MINK1: variants seen among roughly 807,000 people sequenced by gnomAD.
MINK1 encodes the protein misshapen like kinase 1.
A neutral mutation model predicts 178.4 loss-of-function variants in MINK1; 46 were observed. That is an observed-to-expected ratio of 0.26 (90% CI 0.20 to 0.33). MINK1 has a LOEUF of 0.33. MINK1 is among the 10% of genes least tolerant of loss of function. The probability of loss-of-function intolerance (pLI) is 1.00; values close to 1 mark genes in which losing one functional copy is unlikely to be tolerated. For synonymous variants in MINK1, 797 were observed against 709.7 expected (o/e 1.12, Z -1.96); for missense variants, 1,366 against 1,814.9 (o/e 0.75, Z 4.49).
intron 1 of MINK1, among the ~76,000 whole-genome samples, chr17:4,850,527 C>CCT (rs1491516473): frequency 6.6e-6 from 1 of 151,002 alleles, no homozygotes; most frequent in African/African-American, 2.4e-5. Flanking sequence ...TGGCCCCCCC[C>CCT]GCCCTCTACC....
intron 1 of MINK1, among the ~76,000 whole-genome samples, chr17:4,870,360 G>A (rs1360475951): frequency 6.6e-6 from 1 of 151,462 alleles, no homozygotes; most frequent in Non-Finnish European, 1.5e-5. Context: ...TTACAGGTGT[G>A]AGCCACTATG....
At chr17:4,854,768 C>T in intron 1 of MINK1, 1 of 495,198 alleles carries the variant, frequency 2.0e-6, no homozygotes, top group Non-Finnish European at 4.0e-6. Flanking sequence ...CATCGATAGA[C>T]AGAGGACAAG....
chr17:4,842,180 C>T (rs1274532878), intron 1 of MINK1, among the ~76,000 whole-genome samples: 2 of 149,366 alleles, frequency 1.3e-5, no homozygotes, highest in African/African-American at 5.0e-5. Flanking sequence ...GCCTAGACCA[C>T]GCCACTGCAC....
chr17:4,885,689 G>C lies in MINK1; in HGVS notation c.639+76G>C, dbSNP rs144331023. 51 of 1,584,114 alleles carry C rather than the reference G, an allele frequency of 3.2e-5. No homozygotes were observed. The East Asian group carries it at 1.1e-3, about 34-fold the overall frequency. ...TATGGGGACCACGGGGCCTGAGCAG[G>C]CTGGGGAACAGAGGAAGGTCAGATG... On this transcript the variant is annotated intron_variant, in intron 7 of 31. Transcript: ENST00000355280. The surrounding 1 kb of genome is among the most constrained non-coding windows in gnomAD (Gnocchi z 5.0).
At chr17:4,840,030 G>A (rs887382925) in intron 1 of MINK1, among the ~76,000 whole-genome samples, 8 of 151,706 alleles carry the variant, frequency 5.3e-5, no homozygotes, top group African/African-American at 7.3e-5. Context: ...TTAACATGCC[G>A]TGGGCACATA....
chr17:4,896,516 G>A lies in MINK1; in HGVS notation c.3703G>A (p.Val1235Ile), dbSNP rs748520044. 1.2e-6 allele frequency: 2 copies of A among 1,613,994 alleles called. No individual in the cohort carries two copies. The highest frequency in any genetic ancestry group is 1.1e-5 in the South Asian group (1 of 91,088). ...EMLLCYEDEG[V>I]YVNTYGRIIK... ...GCTGCTGTGCTACGAGGACGAGGGT[G>A]TCTACGTCAACACGTACGGGCGCAT... The change falls in exon 30 of 32, where the codon GTC becomes ATC. Residue 1235 changes from valine to isoleucine, a missense_variant. Physicochemically the swap from Val to Ile is conservative, Grantham distance 29. Coordinates refer to ENST00000355280, the MANE Select transcript of MINK1 (RefSeq NM_153827.5). This position sits in a 1 kb window ranked among gnomAD's most constrained non-coding sequence, Gnocchi z 4.6.
At position 4,885,065 on chromosome 17, in the gene MINK1, C is replaced by A. The variant is rs1238658404; in HGVS notation, c.508+63C>A. ...ACCTCCAGAACAGAGAATGAGGGGC[C>A]CCTTTTTCTCTCTGGTGGCTCAGGC... On this transcript the variant is annotated intron_variant, in intron 6 of 31. Coordinates refer to ENST00000355280, the MANE Select transcript of MINK1 (RefSeq NM_153827.5). This position sits in a 1 kb window ranked among gnomAD's most constrained non-coding sequence, Gnocchi z 5.0. 1.3e-6 allele frequency: 2 copies of A among 1,505,964 alleles called. No individual in the cohort carries two copies. The highest frequency in any genetic ancestry group is 1.8e-6 in the Non-Finnish European group (2 of 1,090,928). The allele number at this position is 1,505,964 out of a possible 1,614,324, so 93.3% of individuals were successfully genotyped here. A position where few individuals can be genotyped will look rare whatever the true frequency, so the allele number is the denominator to read the frequency against.
chr17:4,845,538 G>A (rs1910884554), intron 1 of MINK1, among the ~76,000 whole-genome samples: 1 of 152,050 alleles, frequency 6.6e-6, no homozygotes, highest in Admixed American at 6.6e-5. Flanking sequence ...AACCCTCCTG[G>A]ACCTCCAGGC....
chr17:4,891,400 C>A lies in MINK1; in HGVS notation c.1741-56C>A, dbSNP rs569555102. 44 of 1,508,128 alleles carry A rather than the reference C, an allele frequency of 2.9e-5. No individual in the cohort carries two copies. In the East Asian group the frequency reaches 9.5e-4, roughly 32 times the overall value. The allele number at this position is 1,508,128 out of a possible 1,614,324, so 93.4% of individuals were successfully genotyped here. A position where few individuals can be genotyped will look rare whatever the true frequency, so the allele number is the denominator to read the frequency against. On this transcript the variant is annotated intron_variant, in intron 15 of 31. Transcript: ENST00000355280. ...CTTTCCCACCCCAGACCCCAATTCG[C>A]AGGTGGGGATGTGCCATGGAGCAGG...
At chr17:4,847,620 C>A (rs1911243568) in intron 1 of MINK1, among the ~76,000 whole-genome samples, 2 of 152,216 alleles carry the variant, frequency 1.3e-5, no homozygotes, top group African/African-American at 4.8e-5. Flanking sequence ...CTCACACTGA[C>A]TTAAACATAT....
In MINK1 at chr17:4,894,374, G is replaced by T; in HGVS notation, c.2808+63G>T. ...GCCCTGGCGATGGGCAGGAGGTCCC[G>T]GTGCTGGGTAACGGCAGAGGATGGG... On this transcript the variant is annotated intron_variant, in intron 23 of 31. Coordinates refer to ENST00000355280, the MANE Select transcript of MINK1 (RefSeq NM_153827.5). The surrounding 1 kb of genome is among the most constrained non-coding windows in gnomAD (Gnocchi z 4.1). 6.4e-7 allele frequency: 1 copy of T among 1,573,872 alleles called. No individual in the cohort carries two copies. Among genetic ancestry groups the T allele is most frequent in the Non-Finnish European group, 8.6e-7 (1 of 1,160,724 alleles).
intron 1 of MINK1, among the ~76,000 whole-genome samples, chr17:4,853,867 C>A (rs913802905): frequency 6.6e-6 from 1 of 152,018 alleles, no homozygotes; most frequent in African/African-American, 2.4e-5. Context: ...GGCTGAGATA[C>A]CACCTCCGCT....
At position 4,895,072 on chromosome 17, in the gene MINK1, C is replaced by T. The variant is rs78828144; in HGVS notation, c.2918-3C>T. ...TCCTCCCACCTCCTCCTCCTTCTGG[C>T]AGCCCTAGTGGGTGGAGAGGGCACT... On this transcript the variant is annotated splice_polypyrimidine_tract_variant and splice_region_variant and intron_variant, in intron 24 of 31. Transcript: ENST00000355280. This position sits in a 1 kb window ranked among gnomAD's most constrained non-coding sequence, Gnocchi z 4.3. 2,262 of 1,613,082 alleles carry T rather than the reference C, an allele frequency of 1.4e-3. 1 individual carries two copies. The highest frequency in any genetic ancestry group is 1.8e-3 in the Non-Finnish European group (2,079 of 1,179,688).
chr17:4,879,702 G>T (rs36167264), intron 2 of MINK1, among the ~76,000 whole-genome samples: 1 of 151,998 alleles, frequency 6.6e-6, no homozygotes, highest in Non-Finnish European at 1.5e-5. Flanking sequence ...AAGGATGTTG[G>T]GGGAGGAGGG....
chr17:4,859,936 A>G (rs1312074971), intron 1 of MINK1, among the ~76,000 whole-genome samples: 2 of 151,942 alleles, frequency 1.3e-5, no homozygotes, highest in Non-Finnish European at 2.9e-5. Flanking sequence ...TACTTTCCGC[A>G]TGCGGAGCCG....
In MINK1 at chr17:4,881,051, G is replaced by T; in HGVS notation, c.180+11G>T. 1 of 1,533,746 alleles carries T rather than the reference G, an allele frequency of 6.5e-7. No homozygotes were observed. The highest frequency in any genetic ancestry group is 1.2e-5 in the South Asian group (1 of 83,562). ...ATGGATGTCACGGAGGTAGGGAGTG[G>T]AGCTGGGCAGTGGGAGGGTCGGACC... On this transcript the variant is annotated intron_variant, in intron 3 of 31. Coordinates refer to ENST00000355280, the MANE Select transcript of MINK1 (RefSeq NM_153827.5).
intron 1 of MINK1, among the ~76,000 whole-genome samples, chr17:4,846,831 G>C (rs543738118): frequency 6.6e-6 from 1 of 152,058 alleles, no homozygotes; most frequent in Non-Finnish European, 1.5e-5. Context: ...CCACAGGCTC[G>C]GCCCCATCTT....
At chr17:4,881,290 C>T (rs1365574328) in intron 4 of MINK1, 33 bp downstream of exon 4, 1 of 1,533,662 alleles carries the variant, frequency 6.5e-7, no homozygotes, top group Non-Finnish European at 8.7e-7. Context: ...CCTTCCCTCC[C>T]CGCAATCCCT....
chr17:4,849,354 G>A (rs1030827360), intron 1 of MINK1, among the ~76,000 whole-genome samples: 6 of 152,346 alleles, frequency 3.9e-5, no homozygotes, highest in Middle Eastern at 3.4e-3. Context: ...CACCCTTGGG[G>A]ACACACAGCT....
Sources: allele counts gnomAD v4.1 joint callset (sites outside exome capture counted in the v4.1 genomes callset), GRCh38; gene constraint gnomAD v4.1.1; non-coding constraint Gnocchi (gnomAD v3.1); transcripts MANE v1.5; gene names NCBI Gene and HGNC (gene_info 2026-07-23, HGNC 2026-07-21).